Variants in DCAF5 observed in about 807,000 individuals in gnomAD.
The protein encoded by DCAF5 is DDB1 and CUL4 associated factor 5.
DCAF5 carries 9 observed loss-of-function variants against 80.7 expected under a neutral mutation model. That is an observed-to-expected ratio of 0.11 (90% CI 0.07 to 0.19). The LOEUF (loss-of-function observed/expected upper bound fraction) is 0.19, where lower values mean the gene tolerates loss of function less well. DCAF5 is among the 10% of genes least tolerant of loss of function. The pLI is 1.00. For missense variants in DCAF5, 842 were observed against 1,205.7 expected (o/e 0.70, Z 4.47); for synonymous variants, 433 against 461.9 (o/e 0.94, Z 0.80).
intron 7 of DCAF5, among the ~76,000 whole-genome samples, chr14:69,064,285 A>T (rs2038346682): frequency 6.6e-6 from 1 of 152,198 alleles, no homozygotes; most frequent in Admixed American, 6.5e-5. Context: ...GACAAGTAGC[A>T]TTTCTGCTCA....
chr14:69,082,451 T>G (rs898133488), intron 6 of DCAF5, among the ~76,000 whole-genome samples: 1 of 78,240 alleles, frequency 1.3e-5, no homozygotes, highest in Non-Finnish European at 2.8e-5. Flanking sequence ...ATGGGTTCTG[T>G]GTAGAAAAAA....
rs1231728035 is a variant in DCAF5, at chr14:69,069,694, C to CA, written c.946+5650dup. Reference sequence around the variant, plus strand: ...CTTGCTGTGTTGCTCAGGCTGGTCTCAAACTCATGGGTTCAACTGATCTTC... The same window carrying CA: ...CTTGCTGTGTTGCTCAGGCTGGTCTCAAAACTCATGGGTTCAACTGATCTTC... On this transcript the variant is annotated intron_variant, in intron 7 of 8. Transcript: ENST00000341516. Among the ~76,000 whole-genome samples the CA allele has an allele frequency of 2.0e-5, 3 of 152,066 alleles. No homozygotes were observed. The East Asian group carries it at 5.8e-4, about 29-fold the overall frequency.
At chr14:69,142,364 T>G (rs559737625) in intron 1 of DCAF5, among the ~76,000 whole-genome samples, 1 of 152,300 alleles carries the variant, frequency 6.6e-6, no homozygotes, top group South Asian at 2.1e-4. Context: ...CCTAAATCTC[T>G]GATTTAAGAA....
intron 5 of DCAF5, among the ~76,000 whole-genome samples, chr14:69,111,106 C>T (rs1052784999): frequency 1.3e-5 from 2 of 152,174 alleles, no homozygotes; most frequent in Non-Finnish European, 2.9e-5. Context: ...GCATGAGTGC[C>T]TTTTCCAGCC....
chr14:69,063,073 G>C (rs2139851482), intron 7 of DCAF5, among the ~76,000 whole-genome samples: 1 of 152,266 alleles, frequency 6.6e-6, no homozygotes, highest in Non-Finnish European at 1.5e-5. Flanking sequence ...CCGATAGCAG[G>C]GAGAACTAAG....
rs554746869 is a variant in DCAF5, at chr14:69,128,193, CTTT to C, written c.215-5836_215-5834del. 5.1e-4 allele frequency among the ~76,000 whole-genome samples: 73 copies of C among 142,034 alleles called. 1 individual carries two copies. The South Asian group carries it at 9.6e-3, about 19-fold the overall frequency. The allele number at this position is 142,034 out of a possible 152,430, so 93.2% of individuals were successfully genotyped here. Reference sequence around the variant, plus strand: ...TATGCTTGAACAATTTTTTCTTCTTCTTTTTTTTTTTTTTTGAGAGTCTCACTC... The same window carrying C: ...TATGCTTGAACAATTTTTTCTTCTTCTTTTTTTTTTTTGAGAGTCTCACTC... On this transcript the variant is annotated intron_variant, in intron 1 of 8. Coordinates refer to ENST00000341516, the MANE Select transcript of DCAF5 (RefSeq NM_003861.3).
Position 69,053,915 on chromosome 14 carries a change from A to G in DCAF5, c.2771T>C (p.Ile924Thr). ...HGHSGLKRQR[I>T]ELEDTDSENS... ...CTCTGAATCTGTATCTTCCAATTCA[A>G]TTCGTTGCCTTTTGAGGCCACTGTG... The change falls in exon 9 of 9, where the codon ATT becomes ACT. Residue 924 changes from isoleucine to threonine, a missense_variant. Transcript: ENST00000341516. 1.9e-6 allele frequency: 3 copies of G among 1,612,308 alleles called. No individual in the cohort carries two copies. Among genetic ancestry groups the G allele is most frequent in the Admixed American group, 1.7e-5 (1 of 59,718 alleles).
intron 6 of DCAF5, among the ~76,000 whole-genome samples, chr14:69,088,182 G>C (rs1036680022): frequency 6.6e-6 from 1 of 152,134 alleles, no homozygotes; most frequent in African/African-American, 2.4e-5. Flanking sequence ...TTTGCTGCCT[G>C]TCTTGCTCCT....
chr14:69,091,355 T>C (rs559937716), intron 6 of DCAF5, among the ~76,000 whole-genome samples: 2 of 152,264 alleles, frequency 1.3e-5, no homozygotes, highest in East Asian at 3.9e-4. Flanking sequence ...GCAGGCTAAT[T>C]TTCCATGGAT....
At chr14:69,082,043 CA>C (rs575253118) in intron 6 of DCAF5, among the ~76,000 whole-genome samples, 104 of 152,334 alleles carry the variant, frequency 6.8e-4, no homozygotes, top group Non-Finnish European at 1.3e-3. Flanking sequence ...AAATCAAACA[CA>C]GCTCTTATTT....
chr14:69,127,691 T>C (rs887539056), intron 1 of DCAF5, among the ~76,000 whole-genome samples: 2 of 152,182 alleles, frequency 1.3e-5, no homozygotes, highest in Admixed American at 6.5e-5. Flanking sequence ...TTTTAACAAA[T>C]TTACCACTCT....
chr14:69,106,540 T>A (rs2040167226), intron 5 of DCAF5, among the ~76,000 whole-genome samples: 1 of 151,958 alleles, frequency 6.6e-6, no homozygotes, highest in Non-Finnish European at 1.5e-5. Flanking sequence ...CTGGCTAATT[T>A]TTAAAAGAAT....
At chr14:69,139,945 A>C (rs893783833) in intron 1 of DCAF5, among the ~76,000 whole-genome samples, 1 of 151,478 alleles carries the variant, frequency 6.6e-6, no homozygotes, top group South Asian at 2.1e-4. Flanking sequence ...AGGGAGAGAA[A>C]GGGAAGGAAA....
At chr14:69,073,723 TTC>T (rs1178756225) in intron 7 of DCAF5, among the ~76,000 whole-genome samples, 1 of 152,218 alleles carries the variant, frequency 6.6e-6, no homozygotes, top group Non-Finnish European at 1.5e-5. Context: ...TTCTTTCCTA[TTC>T]TCTCTATTCA....
chr14:69,089,764 T>A (rs189315565), intron 6 of DCAF5: 43 of 233,956 alleles, frequency 1.8e-4, no homozygotes, highest in Non-Finnish European at 2.7e-4. Context: ...CAGGGGACAA[T>A]GTCTGGAGAC....
intron 1 of DCAF5, among the ~76,000 whole-genome samples, chr14:69,127,994 T>C (rs1000431214): frequency 6.6e-6 from 1 of 152,118 alleles, no homozygotes; most frequent in Non-Finnish European, 1.5e-5. Flanking sequence ...AATGGCATTA[T>C]GGTTATGTTA....
chr14:69,143,862 T>C (rs2041453611), intron 1 of DCAF5: 2 of 152,550 alleles, frequency 1.3e-5, no homozygotes, highest in Admixed American at 1.3e-4. Flanking sequence ...TTATGACTAG[T>C]CAAGTGAAGC....
intron 1 of DCAF5, among the ~76,000 whole-genome samples, chr14:69,140,035 C>T (rs964966151): frequency 6.6e-6 from 1 of 151,688 alleles, no homozygotes; most frequent in East Asian, 1.9e-4. Context: ...ATTGGGAGGA[C>T]GAGGGGGATT....
At chr14:69,108,779 C>A (rs1165195261) in intron 5 of DCAF5, among the ~76,000 whole-genome samples, 1 of 152,122 alleles carries the variant, frequency 6.6e-6, no homozygotes, top group Non-Finnish European at 1.5e-5. Context: ...AAGGGAGTAG[C>A]TTAATAACCA....
Sources: gnomAD v4.1 joint callset for allele counts (sites outside exome capture counted in the v4.1 genomes callset) on GRCh38, gnomAD v4.1.1 for gene constraint, MANE v1.5 for transcripts, NCBI Gene and HGNC (gene_info 2026-07-23, HGNC 2026-07-21) for gene names.